COL22A1: variants seen among roughly 807,000 people sequenced by gnomAD.
COL22A1 encodes the protein collagen type XXII alpha 1 chain.
COL22A1 carries 221 observed loss-of-function variants against 248.9 expected under a neutral mutation model. That is an observed-to-expected ratio of 0.89 (90% confidence interval 0.80 to 0.99). COL22A1 has a LOEUF of 0.99. Ranked by LOEUF, COL22A1 falls within the 50% of genes least tolerant of loss-of-function variation. The pLI, the probability that COL22A1 is intolerant of heterozygous loss-of-function variation, is 0.00. For missense variants in COL22A1, 2,240 were observed against 2,179.0 expected (o/e 1.03, Z -0.56); for synonymous variants, 891 against 793.4 (o/e 1.12, Z -2.07).
At chr8:138,741,257 T>A (rs952157454) in intron 22 of COL22A1, among the ~76,000 whole-genome samples, 4 of 152,306 alleles carry the variant, frequency 2.6e-5, no homozygotes, top group Non-Finnish European at 4.4e-5. Flanking sequence ...ACAGCTCAAA[T>A]GATGAGAAAT....
intron 3 of COL22A1, among the ~76,000 whole-genome samples, chr8:138,865,779 GTA>G (rs1313395452): frequency 1.4e-5 from 2 of 145,618 alleles, no homozygotes; most frequent in African/African-American, 5.3e-5. Context: ...GCCTCTGAGT[GTA>G]TGTTTGTATG....
chr8:138,822,079 C>G (rs1819188005), intron 6 of COL22A1, among the ~76,000 whole-genome samples: 1 of 151,962 alleles, frequency 6.6e-6, no homozygotes, highest in African/African-American at 2.4e-5. Context: ...GAGTCTCACT[C>G]TGTTGCCCAG....
intron 3 of COL22A1, among the ~76,000 whole-genome samples, chr8:138,872,924 T>A (rs536629001): frequency 6.6e-6 from 1 of 152,380 alleles, no homozygotes; most frequent in African/African-American, 2.4e-5. Flanking sequence ...GATACTCTTT[T>A]TCATTTGTAA....
At chr8:138,670,170 G>T (rs1163108650) in intron 41 of COL22A1, among the ~76,000 whole-genome samples, 1 of 152,128 alleles carries the variant, frequency 6.6e-6, no homozygotes, top group Non-Finnish European at 1.5e-5. Context: ...TACAGGTTGA[G>T]CCACTGCACC....
In COL22A1 at chr8:138,878,019, G is replaced by T. The variant is rs759957193; in HGVS notation, c.389C>A (p.Ser130Tyr). The change falls in exon 3 of 65, where the codon TCC becomes TAC. Residue 130 changes from serine to tyrosine, a missense_variant. Ser to Tyr is a moderately radical substitution (Grantham distance 144). Coordinates refer to ENST00000303045, the MANE Select transcript of COL22A1 (RefSeq NM_152888.3). Reference sequence around the variant, plus strand: ...CCTGGGGCGGCCGCCGGCGTGTGGGGAGAAGCTGCGGGCCGTGATGTAGCG... The same window carrying T: ...CCTGGGGCGGCCGCCGGCGTGTGGGTAGAAGCTGCGGGCCGTGATGTAGCG... ...ALRYITARSFSPHAGGRPRDR... is the reference protein window; with the variant it reads ...ALRYITARSFYPHAGGRPRDR... 1 of 1,589,402 alleles carries T rather than the reference G, an allele frequency of 6.3e-7. No individual in the cohort carries two copies. Among genetic ancestry groups the T allele is most frequent in the East Asian group, 2.3e-5 (1 of 43,604 alleles).
chr8:138,725,770 CACACACACACA>C (rs1274960556), intron 23 of COL22A1, among the ~76,000 whole-genome samples: 1 of 149,372 alleles, frequency 6.7e-6, no homozygotes, highest in Non-Finnish European at 1.5e-5. Flanking sequence ...CACACACACA[CACACACACACA>C]CACACACACA....
intron 40 of COL22A1, among the ~76,000 whole-genome samples, chr8:138,677,956 A>C (rs1825692101): frequency 6.6e-6 from 1 of 152,232 alleles, no homozygotes; most frequent in Admixed American, 6.5e-5. Context: ...CCAATGAGAT[A>C]ATGTTGCAGC....
chr8:138,724,748 G>T, intron 24 of COL22A1, 80 bp from the exon 25 acceptor site: 1 of 1,410,744 alleles, frequency 7.1e-7, no homozygotes, highest in Admixed American at 1.7e-5. Flanking sequence ...TCCTGGCATG[G>T]GCCCAGGCCT....
Position 138,878,166 on chromosome 8 carries a change from C to T in COL22A1, c.242G>A (p.Arg81His), listed in dbSNP as rs1295033199. The part of the protein sequence containing the change: ...GPDRTRVGVV[R>H]YSDRPTTAFE... ...GGCCGTGGTGGGCCGGTCGCTGTAG[C>T]GCACGACCCCCACACGGGTGCGGTC... Residue 81 changes from arginine (R) to histidine (H), a missense_variant, in exon 3 of 65, where the codon CGC (arginine) becomes CAC (histidine). Arg to His is a conservative substitution (Grantham distance 29). Coordinates refer to ENST00000303045, the MANE Select transcript of COL22A1 (RefSeq NM_152888.3). The T allele has an allele frequency of 2.5e-6, 4 of 1,604,740 alleles. No individual in the cohort carries two copies. The highest frequency in any genetic ancestry group is 3.4e-6 in the Non-Finnish European group (4 of 1,176,462).
chr8:138,810,870 A>G (rs1053695798), intron 9 of COL22A1, among the ~76,000 whole-genome samples: 2 of 152,152 alleles, frequency 1.3e-5, no homozygotes, highest in Non-Finnish European at 2.9e-5. Flanking sequence ...CTGTTTGTCT[A>G]TGCATCCATT....
At chr8:138,711,399 C>G (rs1828954476) in intron 30 of COL22A1, among the ~76,000 whole-genome samples, 1 of 152,202 alleles carries the variant, frequency 6.6e-6, no homozygotes, top group East Asian at 1.9e-4. Context: ...ACATATTTCT[C>G]TGGAGGAAAA....
At chr8:138,666,011 C>A (rs981533302) in intron 41 of COL22A1, among the ~76,000 whole-genome samples, 10 of 151,478 alleles carry the variant, frequency 6.6e-5, no homozygotes, top group Non-Finnish European at 1.3e-4. Flanking sequence ...CCTGAAGAAC[C>A]TATGCAGAGT....
chr8:138,836,030 G>A (rs1820405577), intron 4 of COL22A1, among the ~76,000 whole-genome samples: 1 of 152,196 alleles, frequency 6.6e-6, no homozygotes, highest in South Asian at 2.1e-4. Flanking sequence ...CAGCACTTTG[G>A]AAGGCCAAGG....
intron 41 of COL22A1, among the ~76,000 whole-genome samples, chr8:138,671,875 A>G (rs190851085): frequency 1.3e-4 from 20 of 152,310 alleles, no homozygotes; most frequent in Non-Finnish European, 2.1e-4. Flanking sequence ...TTTTTTCATA[A>G]CTTTTTTCTC....
intron 45 of COL22A1, among the ~76,000 whole-genome samples, chr8:138,652,735 G>GC (rs1822856970): frequency 1.8e-5 from 1 of 54,244 alleles, no homozygotes; most frequent in African/African-American, 5.9e-5. Context: ...TCCTTTTCTG[G>GC]TTTTTTTTTT....
rs139235820 is a variant in COL22A1 at position 138,698,014 on chromosome 8, C to T, written c.2592+2098G>A. Among the ~76,000 whole-genome samples, 356 of 152,300 alleles carry T rather than the reference C, an allele frequency of 2.3e-3. 2 individuals carry two copies. Among genetic ancestry groups the T allele is most frequent in the African/African-American group, 7.8e-3 (324 of 41,570 alleles). On this transcript the variant is annotated intron_variant, in intron 32 of 64. Coordinates refer to ENST00000303045, the MANE Select transcript of COL22A1 (RefSeq NM_152888.3). Reference sequence around the variant, plus strand: ...CAGTGCTGGGACTCAAGGTGGAGGGCGGCACAGGCCCCTCACGTGCCTTCC... The same window carrying T: ...CAGTGCTGGGACTCAAGGTGGAGGGTGGCACAGGCCCCTCACGTGCCTTCC...
Position 138,715,706 on chromosome 8 carries a change from T to A in COL22A1, c.2493A>T (p.Gly831=). Residue 831 remains glycine (G), a synonymous_variant, in exon 30 of 65, where the codon GGA becomes GGT. Transcript: ENST00000303045. The part of the protein sequence containing the change: ...QGEKGELGLP[G]LKGDRGEKGE... ...CCTTTTCACCTCGGTCACCTTTCAG[T>A]CCTGGAAGTCCCAGTTCACCTTTTT... 2 of 1,612,860 alleles carry A rather than the reference T, an allele frequency of 1.2e-6. No individual in the cohort carries two copies. Among genetic ancestry groups the A allele is most frequent in the Non-Finnish European group, 1.7e-6 (2 of 1,179,206 alleles).
intron 60 of COL22A1, among the ~76,000 whole-genome samples, chr8:138,599,848 T>C (rs572098933): frequency 1.3e-5 from 2 of 152,276 alleles, no homozygotes; most frequent in South Asian, 4.1e-4. Flanking sequence ...GGAATTCCAA[T>C]CCTATTCTCA....
Position 138,660,449 on chromosome 8 carries a change from G to A in COL22A1, c.3272C>T (p.Pro1091Leu). 6.2e-7 allele frequency: 1 copy of A among 1,613,332 alleles called. No homozygotes were observed. The highest frequency in any genetic ancestry group is 8.5e-7 in the Non-Finnish European group (1 of 1,179,324). Residue 1091 changes from proline to leucine, a missense_variant, in exon 44 of 65, where the codon CCT becomes CTT. Transcript: ENST00000303045. ...GAPGNPGERG[P>L]PGKPGLSSLL... ...AAGATGACATACCGGCTTGCCAGGAGGCCCTCTTTCTCCTGGATTTCCTGG... is the reference window on the plus strand; with the variant it reads ...AAGATGACATACCGGCTTGCCAGGAAGCCCTCTTTCTCCTGGATTTCCTGG...
Sources: gnomAD v4.1 joint callset for allele counts (sites outside exome capture counted in the v4.1 genomes callset) on GRCh38, gnomAD v4.1.1 for gene constraint, MANE v1.5 for transcripts, NCBI Gene and HGNC (gene_info 2026-07-23, HGNC 2026-07-21) for gene names.